CTNNA3: variants seen among roughly 807,000 people sequenced by gnomAD.
The protein encoded by CTNNA3 is catenin alpha-3.
Under a neutral mutation model 95.7 loss-of-function variants are expected in CTNNA3, and 76 were observed. The ratio of observed to expected loss-of-function variants is 0.79; its 90% CI spans 0.66 to 0.96. The LOEUF is 0.96. Among genes scored for constraint, CTNNA3 ranks in the 40% least tolerant of loss-of-function variants. The pLI, the probability that CTNNA3 is intolerant of heterozygous loss-of-function variation, is 0.00. For missense variants in CTNNA3, 1,191 were observed against 1,089.8 expected (o/e 1.09, Z -1.31); for synonymous variants, 431 against 374.4 (o/e 1.15, Z -1.74).
chr10:66,547,339 C>CTTTATTTTTTTTTTTTTTT (rs1842066026), intron 10 of CTNNA3, among the ~76,000 whole-genome samples: 1 of 9,580 alleles, frequency 1.0e-4, no homozygotes, highest in Non-Finnish European at 2.8e-4. Flanking sequence ...TTTGATTTTT[C>CTTTATTTTTTTTTTTTTTT]TTTCTTTCTT....
At chr10:66,212,156 A>G (rs184157609) in intron 13 of CTNNA3, among the ~76,000 whole-genome samples, 263 of 151,830 alleles carry the variant, frequency 1.7e-3, no homozygotes, top group African/African-American at 5.9e-3. Context: ...CGCCTGGCTA[A>G]TTTTTGTATT....
At chr10:66,915,590 T>C (rs1198315799) in intron 7 of CTNNA3, among the ~76,000 whole-genome samples, 1 of 151,696 alleles carries the variant, frequency 6.6e-6, no homozygotes, top group Non-Finnish European at 1.5e-5. Context: ...AATGGTGAAG[T>C]ACTAGGTACA....
At chr10:67,560,039 T>C (rs552729545) in intron 3 of CTNNA3, among the ~76,000 whole-genome samples, 2 of 152,084 alleles carry the variant, frequency 1.3e-5, no homozygotes, top group South Asian at 4.2e-4. Context: ...ATGGGGAGAA[T>C]GGAACCAAGT....
chr10:67,726,600 ACATAT>A (rs1422401027), intron 1 of CTNNA3, among the ~76,000 whole-genome samples: 2 of 33,190 alleles, frequency 6.0e-5, no homozygotes, highest in African/African-American at 2.5e-4. Context: ...ATATTATATT[ACATAT>A]TATATAATAT....
intron 9 of CTNNA3, among the ~76,000 whole-genome samples, chr10:66,702,778 C>T (rs1847996609): frequency 6.7e-6 from 1 of 149,302 alleles, no homozygotes; most frequent in African/African-American, 2.5e-5. Flanking sequence ...TCGTCGTCGT[C>T]GTTGTCGTCG....
chr10:65,991,129 T>C (rs1216020417), intron 15 of CTNNA3, among the ~76,000 whole-genome samples: 1 of 152,146 alleles, frequency 6.6e-6, no homozygotes, highest in African/African-American at 2.4e-5. Flanking sequence ...TTTACGCTCA[T>C]ACAATGCTTT....
At chr10:66,086,440 C>T (rs1156875489) in intron 14 of CTNNA3, among the ~76,000 whole-genome samples, 2 of 151,992 alleles carry the variant, frequency 1.3e-5, no homozygotes, top group African/African-American at 4.8e-5. Context: ...GATGAGAGAC[C>T]ATGGTTTTTG....
chr10:67,021,649 T>G (rs1187524310), intron 7 of CTNNA3, among the ~76,000 whole-genome samples: 2 of 152,110 alleles, frequency 1.3e-5, no homozygotes, highest in Non-Finnish European at 2.9e-5. Flanking sequence ...TTATTGCAAC[T>G]AAAATGTAAA....
intron 7 of CTNNA3, among the ~76,000 whole-genome samples, chr10:67,077,413 C>T (rs1246839455): frequency 6.6e-6 from 1 of 152,078 alleles, no homozygotes; most frequent in Non-Finnish European, 1.5e-5. Context: ...TTTTGAGTCC[C>T]ACCTGACCCA....
chr10:67,011,677 AAT>A (rs890883567), intron 7 of CTNNA3, among the ~76,000 whole-genome samples: 2 of 152,222 alleles, frequency 1.3e-5, no homozygotes, highest in East Asian at 1.9e-4. Flanking sequence ...GACGATAGCA[AAT>A]ATATAGAGTG....
At chr10:66,133,645 T>C (rs990723322) in intron 13 of CTNNA3, among the ~76,000 whole-genome samples, 1 of 150,112 alleles carries the variant, frequency 6.7e-6, no homozygotes, top group Non-Finnish European at 1.5e-5. Flanking sequence ...AATGAAAATA[T>C]ACACTAGGTG....
chr10:66,385,119 C>T (rs1006937914), intron 11 of CTNNA3, among the ~76,000 whole-genome samples: 1 of 151,934 alleles, frequency 6.6e-6, no homozygotes, highest in East Asian at 1.9e-4. Context: ...GATAGAGACA[C>T]AAAAACCCTT....
intron 10 of CTNNA3, among the ~76,000 whole-genome samples, chr10:66,525,801 C>T (rs989248589): frequency 1.3e-5 from 2 of 152,146 alleles, no homozygotes; most frequent in Admixed American, 6.6e-5. Flanking sequence ...TAAACAATAG[C>T]TTCCCATTCT....
intron 11 of CTNNA3, among the ~76,000 whole-genome samples, chr10:66,442,975 A>C (rs988329103): frequency 6.6e-6 from 1 of 152,210 alleles, no homozygotes; most frequent in African/African-American, 2.4e-5. Flanking sequence ...GCACTTTTCC[A>C]ATGGGCTTAA....
intron 13 of CTNNA3, among the ~76,000 whole-genome samples, chr10:66,274,762 G>T (rs2091355744): frequency 6.6e-6 from 1 of 152,050 alleles, no homozygotes; most frequent in Non-Finnish European, 1.5e-5. Context: ...CAAATGATCG[G>T]TTTTCATAAA....
chr10:66,200,866 C>T (rs1051872006), intron 13 of CTNNA3, among the ~76,000 whole-genome samples: 4 of 152,138 alleles, frequency 2.6e-5, no homozygotes, highest in Non-Finnish European at 5.9e-5. Flanking sequence ...AACATTTCAC[C>T]TACAAATAAT....
chr10:66,445,764 C>A (rs1219435514), intron 11 of CTNNA3, among the ~76,000 whole-genome samples: 1 of 148,824 alleles, frequency 6.7e-6, no homozygotes, highest in Non-Finnish European at 1.5e-5. Flanking sequence ...ATTAAAAGAA[C>A]TAGAAAAGCA....
At chr10:66,993,990 G>C (rs566578067) in intron 7 of CTNNA3, among the ~76,000 whole-genome samples, 6 of 152,180 alleles carry the variant, frequency 3.9e-5, no homozygotes, top group Middle Eastern at 6.8e-3. Flanking sequence ...GATATAGCAG[G>C]ACAATGTAAC....
intron 6 of CTNNA3, among the ~76,000 whole-genome samples, chr10:67,206,680 G>C (rs1037785508): frequency 6.6e-5 from 10 of 151,070 alleles, no homozygotes; most frequent in African/African-American, 2.4e-4. Flanking sequence ...AAAATTAAGA[G>C]TTTCCAACAG....
Sources: gnomAD v4.1 joint callset for allele counts (sites outside exome capture counted in the v4.1 genomes callset) on GRCh38, gnomAD v4.1.1 for gene constraint, MANE v1.5 for transcripts, NCBI Gene and HGNC (gene_info 2026-07-23, HGNC 2026-07-21) for gene names.